Variants in ENPP2 observed in about 807,000 individuals in gnomAD.
The protein encoded by ENPP2 is ectonucleotide pyrophosphatase/phosphodiesterase 2.
ENPP2 carries 51 observed loss-of-function variants against 120.2 expected under a neutral mutation model. That is an observed-to-expected ratio of 0.42 (90% confidence interval 0.34 to 0.54). ENPP2 has a LOEUF of 0.54. ENPP2 is among the 20% of genes least tolerant of loss of function. The pLI, the probability that ENPP2 is intolerant of heterozygous loss-of-function variation, is 0.04. For missense variants in ENPP2, 920 were observed against 1,066.5 expected (o/e 0.86, Z 1.91); for synonymous variants, 365 against 366.4 (o/e 1.00, Z 0.04).
chr8:119,615,969 A>G (rs986137484), intron 8 of ENPP2, among the ~76,000 whole-genome samples: 1 of 152,040 alleles, frequency 6.6e-6, no homozygotes, highest in Non-Finnish European at 1.5e-5. Flanking sequence ...ACACATACAC[A>G]TATGTATACA....
chr8:119,636,148 A>C (rs1358437914), intron 2 of ENPP2, among the ~76,000 whole-genome samples: 1 of 152,180 alleles, frequency 6.6e-6, no homozygotes, highest in African/African-American at 2.4e-5. Context: ...CTAGTGTCTT[A>C]TTCTTACAGG....
chr8:119,648,555 C>G (rs1438616343), intron 1 of ENPP2, among the ~76,000 whole-genome samples: 1 of 152,152 alleles, frequency 6.6e-6, no homozygotes, highest in Non-Finnish European at 1.5e-5. Flanking sequence ...GAATGTGTTT[C>G]GATTCAAATC....
chr8:119,665,197 T>C (rs1818034142), intron 1 of ENPP2, among the ~76,000 whole-genome samples: 1 of 152,234 alleles, frequency 6.6e-6, no homozygotes, highest in Non-Finnish European at 1.5e-5. Context: ...GATTATGATT[T>C]CAACATTTGA....
chr8:119,629,715 T>C (rs1816526332), intron 2 of ENPP2, among the ~76,000 whole-genome samples: 1 of 152,174 alleles, frequency 6.6e-6, no homozygotes, highest in African/African-American at 2.4e-5. Flanking sequence ...CATTTTTCTA[T>C]TGTCTTTGAC....
chr8:119,602,999 G>A (rs1416091463), intron 9 of ENPP2, among the ~76,000 whole-genome samples: 1 of 152,048 alleles, frequency 6.6e-6, no homozygotes, highest in Non-Finnish European at 1.5e-5. Context: ...CTCTCTTTCT[G>A]GAACTATCAC....
At position 119,580,105 on chromosome 8, in the gene ENPP2, C is replaced by T; in HGVS notation, c.1780+11G>A. ...AAAACCTTATCTGATTATTTTGCAA[C>T]CACCCCTTACCTTCTGTAGACCCTT... On this transcript the variant is annotated intron_variant, in intron 19 of 24. Transcript: ENST00000075322. 6.2e-7 allele frequency: 1 copy of T among 1,606,014 alleles called. No individual in the cohort carries two copies. Among genetic ancestry groups the T allele is most frequent in the South Asian group, 1.1e-5 (1 of 90,752 alleles).
intron 1 of ENPP2, among the ~76,000 whole-genome samples, chr8:119,660,320 C>T (rs1255625876): frequency 6.6e-6 from 1 of 152,158 alleles, no homozygotes; most frequent in African/African-American, 2.4e-5. Flanking sequence ...AACCTGGCAA[C>T]AATCATGCAA....
intron 19 of ENPP2, chr8:119,571,895 T>C (rs999219343): frequency 1.0e-5 from 3 of 289,244 alleles, no homozygotes; most frequent in Non-Finnish European, 1.9e-5. Flanking sequence ...TAGAATACTT[T>C]GCAAGACCCT....
At chr8:119,572,246 T>G in intron 19 of ENPP2, 4 of 1,552,006 alleles carry the variant, frequency 2.6e-6, no homozygotes, top group Non-Finnish European at 3.5e-6. Context: ...ATTTCCTGGT[T>G]TCAGCTGGAA....
chr8:119,616,213 C>T, intron 8 of ENPP2, 52 bp downstream of exon 8: 1 of 1,510,486 alleles, frequency 6.6e-7, no homozygotes, highest in Admixed American at 1.9e-5. Context: ...GATGAAATGT[C>T]TCAATACATG....
chr8:119,579,564 AT>A lies in ENPP2; in HGVS notation c.1780+551del, dbSNP rs34042284. ...AAACGCCTCTTAGTACAAATCACTA[AT>A]TTTTTTTTTTTTGGTCATATCATAA... is the stretch of plus-strand genomic sequence containing the variant. On this transcript the variant is annotated intron_variant, in intron 19 of 24. Coordinates refer to ENST00000075322, the MANE Select transcript of ENPP2 (RefSeq NM_001040092.3). 5.7e-3 allele frequency among the ~76,000 whole-genome samples: 842 copies of A among 148,462 alleles called. 7 individuals carry two copies. The highest frequency in any genetic ancestry group is 0.017 in the African/African-American group (680 of 40,588).
intron 3 of ENPP2, among the ~76,000 whole-genome samples, chr8:119,623,833 C>T (rs945897361): frequency 1.3e-5 from 2 of 152,094 alleles, no homozygotes; most frequent in Admixed American, 6.6e-5. Flanking sequence ...ATCATGCTGG[C>T]CAGGCTGGTC....
chr8:119,618,483 C>T (rs1198930938), intron 5 of ENPP2: 5 of 383,326 alleles, frequency 1.3e-5, no homozygotes. Context: ...ATATTTAATT[C>T]TCTCTTTGGT....
At chr8:119,593,440 C>T (rs1387144673) in intron 12 of ENPP2, among the ~76,000 whole-genome samples, 2 of 151,938 alleles carry the variant, frequency 1.3e-5, no homozygotes, top group East Asian at 1.9e-4. Flanking sequence ...GTCACATTCA[C>T]AGAAGAAGCT....
intron 21 of ENPP2, among the ~76,000 whole-genome samples, chr8:119,568,795 T>G (rs1044570258): frequency 1.1e-4 from 17 of 152,130 alleles, no homozygotes; most frequent in Admixed American, 9.2e-4. Context: ...GACAAGGTCT[T>G]GCTATGTTGT....
chr8:119,571,936 C>T (rs1587351963), intron 19 of ENPP2: 4 of 376,250 alleles, frequency 1.1e-5, no homozygotes, highest in South Asian at 5.8e-5. Flanking sequence ...TGAGACAAAG[C>T]GGCCCACACT....
chr8:119,670,988 AAAG>A (rs542742926), intron 1 of ENPP2, among the ~76,000 whole-genome samples: 245 of 152,246 alleles, frequency 1.6e-3, no homozygotes, highest in African/African-American at 3.3e-3. Flanking sequence ...TATATTTTAG[AAAG>A]ATCATTTGAC....
intron 1 of ENPP2, among the ~76,000 whole-genome samples, chr8:119,666,745 A>G (rs1171638543): frequency 1.3e-5 from 2 of 151,118 alleles, no homozygotes; most frequent in Admixed American, 6.6e-5. Context: ...AGGCCATTAC[A>G]TTCCAGCCTG....
chr8:119,573,130 G>C (rs921652686), intron 19 of ENPP2: 1 of 152,166 alleles, frequency 6.6e-6, no homozygotes, highest in African/African-American at 2.4e-5. Flanking sequence ...TTTCTCTGCC[G>C]GGCATGGTGG....
Sources: allele counts gnomAD v4.1 joint callset (sites outside exome capture counted in the v4.1 genomes callset), GRCh38; gene constraint gnomAD v4.1.1; transcripts MANE v1.5; gene names NCBI Gene and HGNC (gene_info 2026-07-23, HGNC 2026-07-21).